The following SGCZ variants were observed in gnomAD, a reference collection of about 807,000 sequenced individuals.
SGCZ encodes the protein sarcoglycan zeta.
Under a neutral mutation model 41.3 loss-of-function variants are expected in SGCZ, and 40 were observed. That is an observed-to-expected ratio of 0.97 (90% CI 0.75 to 1.26). The LOEUF (loss-of-function observed/expected upper bound fraction) is 1.26. Ranked by LOEUF, SGCZ falls within the 50% of genes most tolerant of loss-of-function variation. The pLI, the probability that SGCZ is intolerant of heterozygous loss-of-function variation, is 0.00. For synonymous variants in SGCZ, 206 were observed against 137.5 expected (o/e 1.50, Z -3.49); for missense variants, 552 against 369.8 (o/e 1.49, Z -4.04).
chr8:14,757,446 G>A (rs770607926), intron 1 of SGCZ, among the ~76,000 whole-genome samples: 1 of 152,198 alleles, frequency 6.6e-6, no homozygotes, highest in African/African-American at 2.4e-5. Flanking sequence ...CAGGAGTACT[G>A]ATAGAACCAC....
intron 1 of SGCZ, among the ~76,000 whole-genome samples, chr8:14,913,594 G>A (rs1198454714): frequency 6.6e-6 from 1 of 152,060 alleles, no homozygotes; most frequent in African/African-American, 2.4e-5. Context: ...TAACGGATTA[G>A]TGTTTCTGAC....
chr8:14,677,137 A>C (rs528577622), intron 1 of SGCZ, among the ~76,000 whole-genome samples: 1 of 152,094 alleles, frequency 6.6e-6, no homozygotes, highest in African/African-American at 2.4e-5. Flanking sequence ...CAACATTAAT[A>C]TACAAAAGTC....
chr8:14,436,623 T>G (rs1236509619), intron 2 of SGCZ, among the ~76,000 whole-genome samples: 2 of 152,236 alleles, frequency 1.3e-5, no homozygotes, highest in African/African-American at 4.8e-5. Context: ...TAGTAGCCAT[T>G]ACATTCTTCA....
chr8:15,110,179 G>T (rs1444919076), intron 1 of SGCZ, among the ~76,000 whole-genome samples: 2 of 152,150 alleles, frequency 1.3e-5, no homozygotes, highest in Non-Finnish European at 2.9e-5. Context: ...TACAGGAATG[G>T]ATTCCTGTTA....
At position 14,610,640 on chromosome 8, in the gene SGCZ, G is replaced by T. The variant is rs73519271; in HGVS notation, c.40-55714C>A. Among the ~76,000 whole-genome samples the T allele has an allele frequency of 7.7e-3, 1,174 of 152,180 alleles. 17 individuals carry two copies. The highest frequency in any genetic ancestry group is 0.027 in the African/African-American group (1,118 of 41,512). On this transcript the variant is annotated intron_variant, in intron 1 of 7. Transcript: ENST00000382080. ...ACTAAGAGGACAGAGATAAAATTTT[G>T]CTTCCCCTACAGGGTGCATAGAAGT...
intron 1 of SGCZ, among the ~76,000 whole-genome samples, chr8:14,767,070 T>C (rs79284146): frequency 6.6e-6 from 1 of 151,820 alleles, no homozygotes; most frequent in African/African-American, 2.4e-5. Context: ...TGGTGTTTTA[T>C]TTTTACATAT....
chr8:14,125,152 A>C (rs1247304241), intron 5 of SGCZ, among the ~76,000 whole-genome samples: 1 of 152,164 alleles, frequency 6.6e-6, no homozygotes, highest in Non-Finnish European at 1.5e-5. Context: ...GGACACAAAG[A>C]AATGGGAAAA....
At chr8:14,200,292 A>T (rs1286438826) in intron 4 of SGCZ, among the ~76,000 whole-genome samples, 1 of 152,210 alleles carries the variant, frequency 6.6e-6, no homozygotes, top group East Asian at 1.9e-4. Context: ...TTTTCCCTAA[A>T]CAGGTATAGT....
chr8:14,939,808 C>G (rs1159464186), intron 1 of SGCZ, among the ~76,000 whole-genome samples: 1 of 152,120 alleles, frequency 6.6e-6, no homozygotes, highest in Non-Finnish European at 1.5e-5. Flanking sequence ...ACACACACCA[C>G]TCTCCTGATT....
chr8:15,103,953 G>A (rs1806715221), intron 1 of SGCZ, among the ~76,000 whole-genome samples: 1 of 152,158 alleles, frequency 6.6e-6, no homozygotes, highest in Admixed American at 6.5e-5. Context: ...GAGCAATCCA[G>A]GCAACAGAAA....
intron 1 of SGCZ, among the ~76,000 whole-genome samples, chr8:15,019,980 T>C (rs1227523507): frequency 6.6e-6 from 1 of 151,754 alleles, no homozygotes; most frequent in East Asian, 1.9e-4. Context: ...AAAATGCATA[T>C]ATGATTTTAC....
At chr8:14,130,949 G>T (rs1044045404) in intron 5 of SGCZ, among the ~76,000 whole-genome samples, 1 of 152,094 alleles carries the variant, frequency 6.6e-6, no homozygotes, top group Non-Finnish European at 1.5e-5. Flanking sequence ...TATGTAAATG[G>T]CACAGCTAGT....
intron 3 of SGCZ, among the ~76,000 whole-genome samples, chr8:14,271,061 C>T (rs1049680906): frequency 1.3e-5 from 2 of 151,912 alleles, no homozygotes; most frequent in African/African-American, 2.4e-5. Context: ...GTGGGCGGAG[C>T]GGGGAGGGAT....
chr8:14,169,651 C>T (rs746161538), intron 4 of SGCZ, among the ~76,000 whole-genome samples: 6 of 152,160 alleles, frequency 3.9e-5, no homozygotes, highest in Admixed American at 1.3e-4. Flanking sequence ...GTGGGGCTGG[C>T]TATCTTTCGC....
chr8:14,925,383 G>A (rs945796786), intron 1 of SGCZ, among the ~76,000 whole-genome samples: 4 of 151,922 alleles, frequency 2.6e-5, no homozygotes, highest in Admixed American at 6.6e-5. Flanking sequence ...TGGGAATCCC[G>A]GAAAAAGGAA....
chr8:14,552,052 T>G (rs1803886533), intron 2 of SGCZ, among the ~76,000 whole-genome samples: 1 of 152,022 alleles, frequency 6.6e-6, no homozygotes, highest in East Asian at 1.9e-4. Context: ...ATACATTTTG[T>G]GTAGATCAAT....
chr8:14,826,471 AT>A (rs1802322457), intron 1 of SGCZ, among the ~76,000 whole-genome samples: 1 of 152,086 alleles, frequency 6.6e-6, no homozygotes, highest in Non-Finnish European at 1.5e-5. Context: ...GCTGGGTCAA[AT>A]GGTATTTCTA....
At chr8:14,722,315 T>C (rs908331893) in intron 1 of SGCZ, among the ~76,000 whole-genome samples, 11 of 152,138 alleles carry the variant, frequency 7.2e-5, no homozygotes, top group Non-Finnish European at 1.2e-4. Flanking sequence ...AATGAAAGTA[T>C]TGTCTTCGGT....
At chr8:15,154,018 G>C (rs1193997983) in intron 1 of SGCZ, among the ~76,000 whole-genome samples, 1 of 152,038 alleles carries the variant, frequency 6.6e-6, no homozygotes, top group East Asian at 1.9e-4. Flanking sequence ...TCACGATAGA[G>C]TTTGTGCTTC....
Sources: gnomAD v4.1 joint callset for allele counts (sites outside exome capture counted in the v4.1 genomes callset) on GRCh38, gnomAD v4.1.1 for gene constraint, MANE v1.5 for transcripts, NCBI Gene and HGNC (gene_info 2026-07-23, HGNC 2026-07-21) for gene names.